The following ABCA4 variants were observed in gnomAD, a reference collection of about 807,000 sequenced individuals.
ABCA4 encodes the protein retinal-specific phospholipid-transporting ATPase ABCA4.
In ABCA4, 196 loss-of-function variants were observed where a neutral mutation model predicts 263.7. The ratio of observed to expected loss-of-function variants is 0.74; its 90% CI spans 0.66 to 0.84. The LOEUF (loss-of-function observed/expected upper bound fraction) is 0.84, where lower values mean the gene tolerates loss of function less well. Ranked by LOEUF, ABCA4 falls within the 40% of genes least tolerant of loss-of-function variation. The probability of loss-of-function intolerance (pLI) is 0.00; values close to 1 mark genes in which losing one functional copy is unlikely to be tolerated. For synonymous variants in ABCA4, 1,133 were observed against 1,094.2 expected (o/e 1.04, Z -0.70); for missense variants, 2,792 against 2,855.1 (o/e 0.98, Z 0.50).
At chr1:94,113,255 A>T (rs982395754) in intron 1 of ABCA4, among the ~76,000 whole-genome samples, 189 bp from the exon 2 acceptor site, 2 of 152,120 alleles carry the variant, frequency 1.3e-5, no homozygotes, top group African/African-American at 4.8e-5. Context: ...GTTTTATTAT[A>T]TCAACCAGAT....
intron 6 of ABCA4, among the ~76,000 whole-genome samples, chr1:94,093,941 C>G (rs1215889353): frequency 6.6e-6 from 1 of 152,146 alleles, no homozygotes; most frequent in African/African-American, 2.4e-5. Context: ...CCAAAAACAA[C>G]AACAAAAACC....
At chr1:94,107,854 A>G (rs527714849) in intron 4 of ABCA4, among the ~76,000 whole-genome samples, 16 of 152,038 alleles carry the variant, frequency 1.1e-4, no homozygotes, top group Non-Finnish European at 1.9e-4. Flanking sequence ...CATTTTCTCA[A>G]TCACTTAAAC....
chr1:94,078,282 C>T (rs1172516384), intron 10 of ABCA4, among the ~76,000 whole-genome samples: 1 of 152,170 alleles, frequency 6.6e-6, no homozygotes, highest in Non-Finnish European at 1.5e-5. Flanking sequence ...AGAGCTGGCC[C>T]CTTGGGGAGA....
chr1:94,028,306 C>T (rs1660091434), intron 30 of ABCA4, among the ~76,000 whole-genome samples: 1 of 152,176 alleles, frequency 6.6e-6, no homozygotes, highest in Non-Finnish European at 1.5e-5. Context: ...ACGGACACAG[C>T]CTTCTTTGAT....
intron 11 of ABCA4, among the ~76,000 whole-genome samples, chr1:94,068,272 C>G (rs945707006): frequency 2.0e-5 from 3 of 152,134 alleles, no homozygotes; most frequent in African/African-American, 7.2e-5. Flanking sequence ...CACAGGAAGG[C>G]CTTATAAAGC....
At chr1:94,088,969 T>C (rs1661904025) in intron 6 of ABCA4, among the ~76,000 whole-genome samples, 1 of 152,228 alleles carries the variant, frequency 6.6e-6, no homozygotes, top group Non-Finnish European at 1.5e-5. Context: ...TTGTTTCCTG[T>C]CTTCCTCACT....
intron 44 of ABCA4, among the ~76,000 whole-genome samples, chr1:94,005,146 G>A (rs1659336874): frequency 6.6e-6 from 1 of 152,164 alleles, no homozygotes; most frequent in Non-Finnish European, 1.5e-5. Context: ...TTTGCACTGT[G>A]GGAGATGCAT....
intron 41 of ABCA4, 79 bp downstream of exon 41, chr1:94,008,672 G>A (rs1659463352): frequency 3.1e-6 from 5 of 1,597,848 alleles, no homozygotes; most frequent in Non-Finnish European, 4.3e-6. Flanking sequence ...CATATCAATT[G>A]TTCTATAGAA....
chr1:94,076,207 G>C (rs1242992642), intron 11 of ABCA4, among the ~76,000 whole-genome samples: 1 of 152,178 alleles, frequency 6.6e-6, no homozygotes, highest in Non-Finnish European at 1.5e-5. Flanking sequence ...AGAGTACACA[G>C]GGGTGGGTAC....
chr1:94,067,554 G>C (rs896145080), intron 11 of ABCA4, among the ~76,000 whole-genome samples: 4 of 152,200 alleles, frequency 2.6e-5, no homozygotes, highest in Non-Finnish European at 5.9e-5. Flanking sequence ...TGTCTTCCTT[G>C]CCTTGCAAAT....
chr1:94,107,687 A>T (rs972969423), intron 4 of ABCA4, among the ~76,000 whole-genome samples: 1 of 149,738 alleles, frequency 6.7e-6, no homozygotes, highest in Middle Eastern at 3.2e-3. Flanking sequence ...CAACATCATC[A>T]CCTCCCATTT....
rs1322390119 is a variant in ABCA4, at chr1:94,001,948, G to A, written c.6192C>T (p.Ala2064=). Residue 2064 remains alanine (A), a synonymous_variant, in exon 45 of 50, where the codon GCC becomes GCT. Transcript: ENST00000370225. ...SIKSLGLTVY[A]DCLAGTYSGG... is the part of the protein sequence containing the mutation. ...CACTGTACGTGCCAGCCAGGCAGTC[G>A]GCGTAGACAGTCAGGCCCAGGCTCT... 4 of 1,614,046 alleles carry A rather than the reference G, an allele frequency of 2.5e-6. No homozygotes were observed. In the African/African-American group the frequency reaches 4.0e-5, roughly 16 times the overall value.
chr1:94,026,433 AAC>A (rs751213727), intron 30 of ABCA4, among the ~76,000 whole-genome samples: 1 of 152,180 alleles, frequency 6.6e-6, no homozygotes, highest in Admixed American at 6.5e-5. Context: ...TGAGGTTCAG[AAC>A]AGTTAGCTGA....
At chr1:94,091,599 AC>A (rs1661969705) in intron 6 of ABCA4, among the ~76,000 whole-genome samples, 1 of 89,146 alleles carries the variant, frequency 1.1e-5, no homozygotes, top group South Asian at 2.8e-4. Flanking sequence ...ACACACACAC[AC>A]ACACACACAC....
At position 94,044,055 on chromosome 1, in the gene ABCA4, TCCCTCCCTCGCTTCCTTCTC is replaced by T. The variant is rs1660598266; in HGVS notation, c.3050+538_3050+557del. On this transcript the variant is annotated intron_variant, in intron 20 of 49. Transcript: ENST00000370225. ...CCTGTTCCCTTCCTTCTCCCCTCCC[TCCCTCCCTCGCTTCCTTCTC>T]CCCTCCCTCCCTCCCTTCTTTCCTT... Among the ~76,000 whole-genome samples the T allele has an allele frequency of 6.0e-5, 3 of 49,976 alleles. No homozygotes were observed. The South Asian group carries it at 3.5e-3, about 58-fold the overall frequency. The allele number at this position is 49,976 out of a possible 152,430, so 32.8% of individuals were successfully genotyped here.
At chr1:94,098,069 T>C (rs1323584117) in intron 6 of ABCA4, among the ~76,000 whole-genome samples, 1 of 152,216 alleles carries the variant, frequency 6.6e-6, no homozygotes, top group African/African-American at 2.4e-5. Context: ...CTGATGGTTT[T>C]TATGCACTTT....
intron 30 of ABCA4, among the ~76,000 whole-genome samples, chr1:94,027,308 G>T (rs973244038): frequency 3.3e-5 from 5 of 152,302 alleles, no homozygotes; most frequent in Admixed American, 2.6e-4. Context: ...TGGAAGTAAG[G>T]GTTCGTTTAG....
chr1:94,116,672 G>T (rs905678294), intron 1 of ABCA4, among the ~76,000 whole-genome samples: 1 of 152,104 alleles, frequency 6.6e-6, no homozygotes, highest in East Asian at 1.9e-4. Context: ...TCTTCTGCCG[G>T]CTTCCAAAAT....
intron 20 of ABCA4, among the ~76,000 whole-genome samples, chr1:94,044,094 T>TCCCCTCCCTCCCTCCCTCGC (rs1557779024): frequency 8.2e-5 from 1 of 12,172 alleles, no homozygotes; most frequent in African/African-American, 9.8e-5. Context: ...CCCTCCCTTC[T>TCCCCTCCCTCCCTCCCTCGC]TTCCTTCCTT....
Sources: allele counts gnomAD v4.1 joint callset (sites outside exome capture counted in the v4.1 genomes callset), GRCh38; gene constraint gnomAD v4.1.1; transcripts MANE v1.5; gene names NCBI Gene and HGNC (gene_info 2026-07-23, HGNC 2026-07-21).